RPP14: variants seen among roughly 807,000 people sequenced by gnomAD.
RPP14 encodes ribonuclease P/MRP subunit p14, also known as ribonuclease P protein subunit p14.
A neutral mutation model predicts 17.8 loss-of-function variants in RPP14; 19 were observed. That is an observed-to-expected ratio of 1.07 (90% confidence interval 0.74 to 1.57). The LOEUF (loss-of-function observed/expected upper bound fraction) is 1.57, where lower values mean the gene tolerates loss of function less well. RPP14 is among the 40% of genes most tolerant of loss of function. The pLI, the probability that RPP14 is intolerant of heterozygous loss-of-function variation, is 0.00. For missense variants in RPP14, 125 were observed against 140.8 expected (o/e 0.89, Z 0.57); for synonymous variants, 60 against 56.4 (o/e 1.06, Z -0.29).
In RPP14 at chr3:58,316,518, G is replaced by A; in HGVS notation, c.166G>A (p.Asp56Asn). The change falls in exon 4 of 6, where the codon GAT becomes AAT. Residue 56 changes from aspartate to asparagine, a missense_variant. By Grantham distance (23) the Asp-to-Asn change is conservative. Coordinates refer to ENST00000295959, the MANE Select transcript of RPP14 (RefSeq NM_007042.6). ...SAVKDLFGEV[D>N]AALPLDILTY... ...AATAGCATTATTCCATATGCAGGTT[G>A]ATGCCGCCTTACCTTTGGACATCCT... The A allele has an allele frequency of 6.2e-7, 1 of 1,613,710 alleles. No individual in the cohort carries two copies.
At chr3:58,317,374 T>G in intron 5 of RPP14, 66 bp from the exon 6 acceptor site, 1 of 1,052,650 alleles carries the variant, frequency 9.5e-7, no homozygotes, top group Non-Finnish European at 1.4e-6. Context: ...CTGGGCATGT[T>G]TCCCCATTGC....
At chr3:58,316,492 T>C in intron 3 of RPP14, 23 bp from the exon 4 acceptor site, 1 of 1,594,894 alleles carries the variant, frequency 6.3e-7, no homozygotes, top group East Asian at 2.2e-5. Context: ...AATAGCCTGC[T>C]AATAGCATTA....
At chr3:58,309,646 C>T (rs1433701330) in intron 1 of RPP14, among the ~76,000 whole-genome samples, 1 of 152,190 alleles carries the variant, frequency 6.6e-6, no homozygotes, top group East Asian at 1.9e-4. Flanking sequence ...AATACCGGCA[C>T]TCTGGGAGGC....
rs1260473768 is a variant in RPP14 at position 58,319,398 on chromosome 3, C to A, written c.*1902C>A. 1.3e-5 allele frequency: 2 copies of A among 152,170 alleles called. No individual in the cohort carries two copies. Among genetic ancestry groups the A allele is most frequent in the Non-Finnish European group, 2.9e-5 (2 of 68,046 alleles). 9.4% of individuals were successfully genotyped at this position (152,170 alleles called of 1,614,324 possible). ...GATAGATGGAGTTAAGCACAGGGCC[C>A]AGCCTGTCAGCAGTAGCTACTATTA... On this transcript the variant is annotated 3_prime_UTR_variant, in exon 6 of 6. Coordinates refer to ENST00000295959, the MANE Select transcript of RPP14 (RefSeq NM_007042.6).
At chr3:58,316,646 C>T (rs1453724383) in intron 4 of RPP14, 55 bp downstream of exon 4, 34 of 1,427,644 alleles carry the variant, frequency 2.4e-5, no homozygotes, top group Middle Eastern at 3.5e-4. Context: ...ACCGATGGAG[C>T]AAAAATGCTC....
intron 1 of RPP14, among the ~76,000 whole-genome samples, chr3:58,307,140 G>C (rs2097476144): frequency 6.6e-6 from 1 of 152,250 alleles, no homozygotes. Flanking sequence ...GGCTAGGCCT[G>C]TGTGGTGGCG....
intron 1 of RPP14, among the ~76,000 whole-genome samples, chr3:58,308,827 T>TA (rs1421601672): frequency 6.6e-6 from 1 of 151,832 alleles, no homozygotes; most frequent in African/African-American, 2.4e-5. Flanking sequence ...GGGCTTAACT[T>TA]AGAGAAGGGT....
Position 58,310,411 on chromosome 3 carries a change from G to A in RPP14, c.77+5G>A, listed in dbSNP as rs1476218023. On this transcript the variant is annotated splice_donor_5th_base_variant and intron_variant, in intron 2 of 5. Coordinates refer to ENST00000295959, the MANE Select transcript of RPP14 (RefSeq NM_007042.6). ...CCACTACATGAAAGTCTGCCTGTAA[G>A]TTTAGTTTCCTAAGTTCTATTTTAG... is the stretch of plus-strand genomic sequence containing the variant. 1.2e-6 allele frequency: 2 copies of A among 1,613,440 alleles called. No homozygotes were observed. Among genetic ancestry groups the A allele is most frequent in the East Asian group, 2.2e-5 (1 of 44,880 alleles).
intron 1 of RPP14, 156 bp downstream of exon 1, chr3:58,306,573 C>A (rs17355543): frequency 3.3e-5 from 5 of 152,034 alleles, no homozygotes; most frequent in African/African-American, 9.7e-5. Context: ...CGTAGGGTCT[C>A]GGCCGCAGAA....
chr3:58,317,314 C>G, intron 5 of RPP14, 126 bp from the exon 6 acceptor site: 1 of 658,598 alleles, frequency 1.5e-6, no homozygotes, highest in Non-Finnish European at 2.7e-6. Context: ...GGCTTCCTCT[C>G]AGGATGCTCT....
intron 3 of RPP14, among the ~76,000 whole-genome samples, chr3:58,314,040 A>C (rs1049112154): frequency 6.6e-6 from 1 of 152,186 alleles, no homozygotes; most frequent in Non-Finnish European, 1.5e-5. Flanking sequence ...TGGTCAACAG[A>C]ACAAGACCAT....
Position 58,318,017 on chromosome 3 carries a change from G to T in RPP14, c.*521G>T, listed in dbSNP as rs760272949. 7.1e-6 allele frequency: 5 copies of T among 702,680 alleles called. No homozygotes were observed. The highest frequency in any genetic ancestry group is 1.3e-5 in the Non-Finnish European group (5 of 384,982). 43.5% of individuals were successfully genotyped at this position (702,680 alleles called of 1,614,324 possible). A position where few individuals can be genotyped will look rare whatever the true frequency, so the allele number is the denominator to read the frequency against. On this transcript the variant is annotated 3_prime_UTR_variant, in exon 6 of 6. Coordinates refer to ENST00000295959, the MANE Select transcript of RPP14 (RefSeq NM_007042.6). The stretch of plus-strand genomic sequence containing the variant: ...TCTGCAGAAGTGAAAAAGCTGAAGC[G>T]GTTCATTGCTATTATTGCAGTGTCA...
Position 58,317,979 on chromosome 3 carries a change from AGTT to A in RPP14, c.*487_*489del, listed in dbSNP as rs1479737509. The A allele has an allele frequency of 1.4e-6, 1 of 702,880 alleles. No homozygotes were observed. Among genetic ancestry groups the A allele is most frequent in the African/African-American group, 1.7e-5 (1 of 57,252 alleles). 43.5% of individuals were successfully genotyped at this position (702,880 alleles called of 1,614,324 possible). On this transcript the variant is annotated 3_prime_UTR_variant, in exon 6 of 6. Transcript: ENST00000295959. The stretch of plus-strand genomic sequence containing the variant: ...TTCCAGCCCCTTTATATATTGGAGA[AGTT>A]GTTTTAGCTTCTGCAGAAGTGAAAA...
intron 1 of RPP14, among the ~76,000 whole-genome samples, chr3:58,307,054 G>T (rs1331054943): frequency 6.6e-6 from 1 of 152,206 alleles, no homozygotes; most frequent in Non-Finnish European, 1.5e-5. Flanking sequence ...CCTGGAGGAA[G>T]ATCTTTCCCA....
intron 3 of RPP14, 92 bp downstream of exon 3, chr3:58,310,683 A>T (rs1559793207): frequency 1.1e-5 from 11 of 1,043,116 alleles, no homozygotes; most frequent in Non-Finnish European, 1.6e-5. Context: ...CTGTAATCCC[A>T]GCACTTTGGA....
chr3:58,317,490 G>A lies in RPP14; in HGVS notation c.369G>A (p.Leu123=), dbSNP rs541602133. Residue 123 remains leucine (L), a synonymous_variant, in exon 6 of 6, where the codon TTG becomes TTA. Transcript: ENST00000295959. The stretch of plus-strand genomic sequence containing the variant: ...CTGGTAATAGTAGGGAACTAGTATT[G>A]GATTGAATGAATAGTCTTCCATTTT... ...ALSGNSRELV[L]D The A allele has an allele frequency of 1.1e-5, 17 of 1,579,648 alleles. No individual in the cohort carries two copies. Among genetic ancestry groups the A allele is most frequent in the Middle Eastern group, 1.7e-4 (1 of 6,000 alleles).
chr3:58,314,184 C>T (rs1373227281), intron 3 of RPP14, among the ~76,000 whole-genome samples: 1 of 152,020 alleles, frequency 6.6e-6, no homozygotes, highest in Non-Finnish European at 1.5e-5. Flanking sequence ...AACCCTGTCT[C>T]TGCTAAAGCT....
chr3:58,313,383 G>T (rs571024207), intron 3 of RPP14, among the ~76,000 whole-genome samples: 1 of 152,328 alleles, frequency 6.6e-6, no homozygotes, highest in South Asian at 2.1e-4. Context: ...GCAACTTTGA[G>T]AACAGAAGTA....
In RPP14 at chr3:58,317,636, A is replaced by G. The variant is rs1204457438; in HGVS notation, c.*140A>G. 4.1e-6 allele frequency: 3 copies of G among 731,888 alleles called. No homozygotes were observed. In the South Asian group the frequency reaches 4.4e-5, roughly 11 times the overall value. The allele number at this position is 731,888 out of a possible 1,614,324, so 45.3% of individuals were successfully genotyped here. ...AAGATGTTCCCACTAATTTCCAGCC[A>G]TCACCTTTGGTGGGGTGGGCTTCGG... On this transcript the variant is annotated 3_prime_UTR_variant, in exon 6 of 6. Transcript: ENST00000295959.
Sources: allele counts gnomAD v4.1 joint callset (sites outside exome capture counted in the v4.1 genomes callset), GRCh38; gene constraint gnomAD v4.1.1; transcripts MANE v1.5; gene names NCBI Gene and HGNC (gene_info 2026-07-23, HGNC 2026-07-21).